The following ROR2 variants were observed in gnomAD, a reference collection of about 807,000 sequenced individuals.
ROR2 encodes tyrosine-protein kinase transmembrane receptor ROR2.
A neutral mutation model predicts 74.9 loss-of-function variants in ROR2; 33 were observed. The observed-to-expected ratio is 0.44, with a 90% CI of 0.33 to 0.59. The LOEUF (loss-of-function observed/expected upper bound fraction) is 0.59. Ranked by LOEUF, ROR2 falls within the 20% of genes least tolerant of loss-of-function variation. The pLI is 0.02. For synonymous variants in ROR2, 586 were observed against 558.7 expected, an observed-to-expected ratio of 1.05 and a Z score of -0.69; for missense variants, 1,216 against 1,313.8, an observed-to-expected ratio of 0.93 and a Z score of 1.15.
chr9:91,919,590 G>GTTT (rs143540271), intron 1 of ROR2, among the ~76,000 whole-genome samples: 1 of 151,422 alleles, frequency 6.6e-6, no homozygotes, highest in African/African-American at 2.4e-5. Context: ...CCTCATTTAG[G>GTTT]TTTTTTTTTC....
intron 1 of ROR2, among the ~76,000 whole-genome samples, chr9:91,804,866 T>C (rs1827499425): frequency 1.3e-5 from 2 of 152,230 alleles, no homozygotes; most frequent in South Asian, 4.1e-4. Context: ...TTCATTCTAC[T>C]ATCTAGCCCT....
At chr9:91,820,529 C>T (rs1009869619) in intron 1 of ROR2, among the ~76,000 whole-genome samples, 1 of 152,194 alleles carries the variant, frequency 6.6e-6, no homozygotes, top group African/African-American at 2.4e-5. Context: ...CCACGGCAGG[C>T]AATCTACCAG....
At chr9:91,774,072 T>C (rs1826332570) in intron 2 of ROR2, among the ~76,000 whole-genome samples, 1 of 152,268 alleles carries the variant, frequency 6.6e-6, no homozygotes, top group Admixed American at 6.5e-5. Flanking sequence ...CTGTCTGCAC[T>C]GTGGGTTAAG....
chr9:91,948,645 C>G, intron 1 of ROR2: 2 of 985,520 alleles, frequency 2.0e-6, no homozygotes, highest in Non-Finnish European at 2.4e-6. Flanking sequence ...ATACCTGGAG[C>G]GCGCAGCTCC....
intron 1 of ROR2, among the ~76,000 whole-genome samples, chr9:91,786,028 G>A (rs1826786446): frequency 6.6e-6 from 1 of 151,938 alleles, no homozygotes; most frequent in Admixed American, 6.6e-5. Flanking sequence ...CTAAGTGAAA[G>A]AAGCCAGACT....
intron 4 of ROR2, among the ~76,000 whole-genome samples, chr9:91,747,003 C>T (rs1825443697): frequency 6.6e-6 from 1 of 152,104 alleles, no homozygotes; most frequent in African/African-American, 2.4e-5. Flanking sequence ...CCCCACCCCA[C>T]CACTTCCCTC....
chr9:91,821,990 A>G (rs1199278169), intron 1 of ROR2, among the ~76,000 whole-genome samples: 1 of 135,914 alleles, frequency 7.4e-6, no homozygotes, highest in Admixed American at 8.6e-5. Context: ...GCTAAAATAT[A>G]TATATACAAA....
chr9:91,909,818 T>G (rs1219319600), intron 1 of ROR2, among the ~76,000 whole-genome samples: 1 of 142,924 alleles, frequency 7.0e-6, no homozygotes, highest in African/African-American at 2.5e-5. Context: ...CTGATAATCT[T>G]TATTCTTTTT....
In ROR2 at chr9:91,722,767, G is replaced by A; in HGVS notation, c.*895C>T. The stretch of plus-strand genomic sequence containing the variant: ...AGAGAGAAGCAAACCAAGACCAACT[G>A]GATCCCAACGTGGGTAACATAAACA... On this transcript the variant is annotated 3_prime_UTR_variant, in exon 9 of 9. Coordinates refer to ENST00000375708, the MANE Select transcript of ROR2 (RefSeq NM_004560.4). 1.7e-6 allele frequency: 1 copy of A among 605,242 alleles called. No individual in the cohort carries two copies. Among genetic ancestry groups the A allele is most frequent in the South Asian group, 2.0e-5 (1 of 50,136 alleles). The allele number at this position is 605,242 out of a possible 1,614,324, so 37.5% of individuals were successfully genotyped here.
intron 7 of ROR2, among the ~76,000 whole-genome samples, chr9:91,730,222 T>C (rs1270015670): frequency 6.6e-6 from 1 of 151,596 alleles, no homozygotes; most frequent in Non-Finnish European, 1.5e-5. Flanking sequence ...GGATTACAGG[T>C]TGTGAGCCAC....
intron 1 of ROR2, among the ~76,000 whole-genome samples, chr9:91,904,012 C>T (rs566559070): frequency 6.6e-6 from 1 of 151,316 alleles, no homozygotes; most frequent in East Asian, 1.9e-4. Flanking sequence ...GACAGGTCAT[C>T]CTTTTTTTTG....
In ROR2 at chr9:91,754,594, G is replaced by A. The variant is rs371223308; in HGVS notation, c.494+1477C>T. On this transcript the variant is annotated intron_variant, in intron 4 of 8. Coordinates refer to ENST00000375708, the MANE Select transcript of ROR2 (RefSeq NM_004560.4). ...TGCCTGAACTTGGCAGGCAGAGGTT[G>A]CAGTGAGCGGAGACTGCACCACTGC... Among the ~76,000 whole-genome samples, 12 of 152,202 alleles carry A rather than the reference G, an allele frequency of 7.9e-5. No homozygotes were observed. In the East Asian group the frequency reaches 1.3e-3, roughly 17 times the overall value.
At chr9:91,819,989 T>G (rs1274900790) in intron 1 of ROR2, among the ~76,000 whole-genome samples, 1 of 152,148 alleles carries the variant, frequency 6.6e-6, no homozygotes, top group Non-Finnish European at 1.5e-5. Flanking sequence ...CCTGTGTGTC[T>G]GTACCCGTGT....
chr9:91,829,171 G>A (rs559786112), intron 1 of ROR2, among the ~76,000 whole-genome samples: 26 of 152,336 alleles, frequency 1.7e-4, no homozygotes, highest in African/African-American at 4.8e-4. Flanking sequence ...TCGCTTCCGC[G>A]GAGTGCAGCC....
chr9:91,786,425 A>G (rs1316033961), intron 1 of ROR2, among the ~76,000 whole-genome samples: 1 of 152,144 alleles, frequency 6.6e-6, no homozygotes. Context: ...TGGCAGAGTG[A>G]TATCTAGGAT....
At chr9:91,803,018 A>T (rs562807877) in intron 1 of ROR2, among the ~76,000 whole-genome samples, 26 of 152,330 alleles carry the variant, frequency 1.7e-4, no homozygotes, top group African/African-American at 6.0e-4. Flanking sequence ...CCACTAAGGC[A>T]GCCGTAAAAA....
chr9:91,736,431 C>A (rs1825027855), intron 5 of ROR2, among the ~76,000 whole-genome samples: 1 of 152,182 alleles, frequency 6.6e-6, no homozygotes, highest in Non-Finnish European at 1.5e-5. Flanking sequence ...CCCCTTTGCC[C>A]CACCACACTC....
intron 1 of ROR2, among the ~76,000 whole-genome samples, chr9:91,949,516 A>G (rs1308830772): frequency 6.6e-6 from 1 of 151,606 alleles, no homozygotes; most frequent in Non-Finnish European, 1.5e-5. Flanking sequence ...CCCTCGGGGC[A>G]CATCTGCGGA....
intron 1 of ROR2, among the ~76,000 whole-genome samples, chr9:91,831,492 C>T (rs1403852668): frequency 6.6e-6 from 1 of 151,928 alleles, no homozygotes; most frequent in Non-Finnish European, 1.5e-5. Context: ...AGCAAGTGAA[C>T]AGGCCAGGTG....
Sources: gnomAD v4.1 joint callset for allele counts (sites outside exome capture counted in the v4.1 genomes callset) on GRCh38, gnomAD v4.1.1 for gene constraint, MANE v1.5 for transcripts, NCBI Gene and HGNC (gene_info 2026-07-23, HGNC 2026-07-21) for gene names.